The following KL variants were observed in gnomAD, a reference collection of about 807,000 sequenced individuals.
KL encodes alpha-klotho.
A neutral mutation model predicts 84.2 loss-of-function variants in KL; 62 were observed. The observed-to-expected ratio is 0.74, with a 90% confidence interval of 0.60 to 0.91. The LOEUF is 0.91. Among genes scored for constraint, KL ranks in the 40% least tolerant of loss-of-function variants. The pLI is 0.00. For missense variants in KL, 1,261 were observed against 1,305.7 expected (o/e 0.97, Z 0.53); for synonymous variants, 528 against 528.0 (o/e 1.00, Z 0.00).
intron 1 of KL, among the ~76,000 whole-genome samples, chr13:33,021,213 C>T (rs1156685929): frequency 6.6e-6 from 1 of 152,168 alleles, no homozygotes; most frequent in Non-Finnish European, 1.5e-5. Flanking sequence ...GTCAGTCTTT[C>T]TAGCCACTTT....
chr13:33,056,692 G>A (rs979269261), intron 3 of KL, among the ~76,000 whole-genome samples: 3 of 151,726 alleles, frequency 2.0e-5, no homozygotes, highest in Admixed American at 2.0e-4. Context: ...TGTAGTCCCA[G>A]CTACTCTGGA....
At chr13:33,024,897 C>T (rs1276260352) in intron 1 of KL, among the ~76,000 whole-genome samples, 1 of 152,146 alleles carries the variant, frequency 6.6e-6, no homozygotes, top group Non-Finnish European at 1.5e-5. Context: ...CACAACTCAG[C>T]GTGGACATTG....
At chr13:33,026,446 T>TG (rs56064101) in intron 1 of KL, among the ~76,000 whole-genome samples, 70,332 of 151,176 alleles carry the variant, frequency 0.47, 16,607 homozygotes, top group South Asian at 0.58. Flanking sequence ...AAGAATGGGG[T>TG]GGGGGGGTCA....
intron 1 of KL, among the ~76,000 whole-genome samples, chr13:33,051,039 T>G (rs1871727970): frequency 6.6e-6 from 1 of 152,226 alleles, no homozygotes; most frequent in South Asian, 2.1e-4. Context: ...TAGCAGGGGT[T>G]GTTTCCTCCA....
At chr13:33,041,168 C>T (rs538032080) in intron 1 of KL, among the ~76,000 whole-genome samples, 1 of 152,162 alleles carries the variant, frequency 6.6e-6, no homozygotes, top group South Asian at 2.1e-4. Context: ...ATTCCATTTA[C>T]ATAAAGTCCC....
chr13:33,052,522 A>T (rs903806003), intron 1 of KL, among the ~76,000 whole-genome samples: 2 of 152,242 alleles, frequency 1.3e-5, no homozygotes, highest in Admixed American at 6.5e-5. Flanking sequence ...GAAATGAAAC[A>T]TAGTAGATAT....
intron 1 of KL, among the ~76,000 whole-genome samples, chr13:33,036,380 CCACACACATG>C (rs1478197150): frequency 6.6e-6 from 1 of 150,962 alleles, no homozygotes; most frequent in Non-Finnish European, 1.5e-5. Context: ...CACATACATA[CCACACACATG>C]CACACACACC....
rs367915799 is a variant in KL, at chr13:33,061,043, G to T, written c.1964G>T (p.Gly655Val). The T allele has an allele frequency of 8.1e-6, 13 of 1,611,842 alleles. No homozygotes were observed. In the African/African-American group the frequency reaches 1.6e-4, roughly 20 times the overall value. The change falls in exon 4 of 5, where the codon GGC becomes GTC. Residue 655 changes from glycine (G) to valine (V), a missense_variant. Coordinates refer to ENST00000380099, the MANE Select transcript of KL (RefSeq NM_004795.4). ...QGLPRLLARQGAWENPYTALA... is the reference protein window; with the variant it reads ...QGLPRLLARQVAWENPYTALA... Reference sequence around the variant, plus strand: ...CTGCCGCGCCTCCTGGCCAGGCAGGGCGCCTGGGAGAACCCCTACACTGCC... The same window carrying T: ...CTGCCGCGCCTCCTGGCCAGGCAGGTCGCCTGGGAGAACCCCTACACTGCC...
intron 1 of KL, among the ~76,000 whole-genome samples, chr13:33,053,531 C>A (rs9536311): frequency 6.6e-6 from 1 of 152,090 alleles, no homozygotes; most frequent in African/African-American, 2.4e-5. Flanking sequence ...CCCAAGGAAT[C>A]TACATTTTTC....
At chr13:33,056,444 A>G (rs1420885847) in intron 3 of KL, among the ~76,000 whole-genome samples, 1 of 152,114 alleles carries the variant, frequency 6.6e-6, no homozygotes, top group Non-Finnish European at 1.5e-5. Context: ...GCTGGTTGGG[A>G]TTATTCTTCT....
chr13:33,017,136 G>A lies in KL; in HGVS notation c.696G>A (p.Lys232=). 6.2e-7 allele frequency: 1 copy of A among 1,603,168 alleles called. No individual in the cohort carries two copies. Among genetic ancestry groups the A allele is most frequent in the Middle Eastern group, 1.6e-4 (1 of 6,062 alleles). Residue 232 remains lysine, a synonymous_variant, in exon 1 of 5, where the codon AAG becomes AAA. Transcript: ENST00000380099. ...LCFRHFGGQV[K]YWITIDNPYV... is the part of the protein sequence containing the mutation. ...TCCGCCACTTCGGCGGTCAGGTCAA[G>A]TACTGGATCACCATCGACAACCCCT...
intron 1 of KL, among the ~76,000 whole-genome samples, chr13:33,045,915 C>T (rs369630049): frequency 1.3e-5 from 2 of 152,134 alleles, no homozygotes; most frequent in Non-Finnish European, 2.9e-5. Flanking sequence ...TGGGTTTTCT[C>T]CCCCTTTACT....
At chr13:33,020,784 C>G (rs527382) in intron 1 of KL, among the ~76,000 whole-genome samples, 60,057 of 152,036 alleles carry the variant, frequency 0.4, 12,971 homozygotes, top group East Asian at 0.76. Flanking sequence ...GTAATGGGAA[C>G]AGCCTCACTG....
intron 1 of KL, among the ~76,000 whole-genome samples, chr13:33,026,798 G>T (rs1201518403): frequency 6.6e-6 from 1 of 152,196 alleles, no homozygotes; most frequent in Non-Finnish European, 1.5e-5. Flanking sequence ...TCCTGAGGGT[G>T]CAGTGAATGC....
chr13:33,032,812 G>T (rs558131542), intron 1 of KL, among the ~76,000 whole-genome samples: 66 of 152,200 alleles, frequency 4.3e-4, no homozygotes, highest in Non-Finnish European at 7.4e-4. Flanking sequence ...ACAGTGATCT[G>T]CCTGGAATGC....
intron 1 of KL, among the ~76,000 whole-genome samples, chr13:33,028,691 CA>C (rs1870865669): frequency 6.6e-6 from 1 of 152,048 alleles, no homozygotes; most frequent in Admixed American, 6.5e-5. Context: ...GCCACAGTCC[CA>C]AAGAAAACAG....
intron 3 of KL, among the ~76,000 whole-genome samples, chr13:33,056,573 A>G (rs925512946): frequency 2.6e-5 from 4 of 151,530 alleles, no homozygotes; most frequent in Non-Finnish European, 5.9e-5. Flanking sequence ...AGGCGGGCGG[A>G]TCATGAGGTC....
At chr13:33,056,379 T>C (rs1259021494) in intron 3 of KL, among the ~76,000 whole-genome samples, 1 of 152,240 alleles carries the variant, frequency 6.6e-6, no homozygotes, top group African/African-American at 2.4e-5. Context: ...AAATATCCAA[T>C]TGAAATCTTT....
intron 1 of KL, among the ~76,000 whole-genome samples, chr13:33,051,541 A>C (rs79915405): frequency 0.025 from 3,733 of 152,240 alleles, 138 homozygotes; most frequent in African/African-American, 0.086. Flanking sequence ...AAAACAAAAC[A>C]AAACAAAAAA....
Sources: gnomAD v4.1 joint callset for allele counts (sites outside exome capture counted in the v4.1 genomes callset) on GRCh38, gnomAD v4.1.1 for gene constraint, MANE v1.5 for transcripts, NCBI Gene and HGNC (gene_info 2026-07-23, HGNC 2026-07-21) for gene names.